SERINC3: variants seen among roughly 807,000 people sequenced by gnomAD.
SERINC3 encodes tumor differentially expressed protein 1.
Under a neutral mutation model 52.1 loss-of-function variants are expected in SERINC3, and 22 were observed. The ratio of observed to expected loss-of-function variants is 0.42; its 90% CI spans 0.30 to 0.60. The LOEUF is 0.60. Ranked by LOEUF, SERINC3 falls within the 20% of genes least tolerant of loss-of-function variation. The pLI, the probability that SERINC3 is intolerant of heterozygous loss-of-function variation, is 0.16. For synonymous variants in SERINC3, 226 were observed against 212.7 expected, an observed-to-expected ratio of 1.06 and a Z score of -0.54; for missense variants, 564 against 584.6, an observed-to-expected ratio of 0.96 and a Z score of 0.36.
At chr20:44,520,834 A>G (rs2064412056) in intron 1 of SERINC3, among the ~76,000 whole-genome samples, 1 of 152,218 alleles carries the variant, frequency 6.6e-6, no homozygotes, top group Non-Finnish European at 1.5e-5. Flanking sequence ...TTTGTGACCA[A>G]ATTAATCAAA....
intron 1 of SERINC3, among the ~76,000 whole-genome samples, chr20:44,518,208 C>T (rs964929765): frequency 5.3e-5 from 8 of 151,712 alleles, no homozygotes; most frequent in Admixed American, 3.3e-4. Flanking sequence ...CGCCTGTAAT[C>T]CCAGCACTTT....
At chr20:44,521,763 G>A (rs2064418508) in intron 1 of SERINC3, 150 bp downstream of exon 1, 6 of 722,038 alleles carry the variant, frequency 8.3e-6, no homozygotes, top group Non-Finnish European at 1.4e-5. Flanking sequence ...AGGGTATCGC[G>A]GATTTGCGTC....
At chr20:44,513,053 C>A in intron 2 of SERINC3, 59 bp from the exon 3 acceptor site, 1 of 1,178,436 alleles carries the variant, frequency 8.5e-7, no homozygotes, top group Non-Finnish European at 1.2e-6. Flanking sequence ...AGACTCTAAC[C>A]CACTGCAGGA....
chr20:44,517,842 T>A (rs1357717897), intron 1 of SERINC3, among the ~76,000 whole-genome samples: 2 of 152,250 alleles, frequency 1.3e-5, no homozygotes. Flanking sequence ...TTATATCTTT[T>A]GTATCTTTAC....
rs965622743 is a variant in SERINC3, at chr20:44,500,560, G to C, written c.1284-126C>G. ...ACTTGGCTGGCACTACCCCCCAGTA[G>C]GGTTGAAGGGGACCAGAGGAAGCTG... On this transcript the variant is annotated intron_variant, in intron 9 of 9. Coordinates refer to ENST00000342374, the MANE Select transcript of SERINC3 (RefSeq NM_006811.4). 28 of 966,888 alleles carry C rather than the reference G, an allele frequency of 2.9e-5. No individual in the cohort carries two copies. In the African/African-American group the frequency reaches 4.5e-4, roughly 15 times the overall value. The allele number at this position is 966,888 out of a possible 1,614,324, so 59.9% of individuals were successfully genotyped here.
rs909165972 is a variant in SERINC3, at chr20:44,516,007, T to A, written c.40-1967A>T. Among the ~76,000 whole-genome samples, 22 of 152,200 alleles carry A rather than the reference T, an allele frequency of 1.4e-4. 1 individual carries two copies. The highest frequency in any genetic ancestry group is 2.6e-4 in the Admixed American group (4 of 15,272). Reference sequence around the variant, plus strand: ...TATGTCAACTTTACCTCCTTTTTTTTAAAGAGTAACCTAGGGCCAGGCGTG... The same window carrying A: ...TATGTCAACTTTACCTCCTTTTTTTAAAAGAGTAACCTAGGGCCAGGCGTG... On this transcript the variant is annotated intron_variant, in intron 1 of 9. Coordinates refer to ENST00000342374, the MANE Select transcript of SERINC3 (RefSeq NM_006811.4).
At position 44,498,082 on chromosome 20, in the gene SERINC3, T is replaced by C. The variant is rs2064258005; in HGVS notation, c.*2214A>G. 1 of 152,218 alleles carries C rather than the reference T, an allele frequency of 6.6e-6. No individual in the cohort carries two copies. Among genetic ancestry groups the C allele is most frequent in the Admixed American group, 6.5e-5 (1 of 15,278 alleles). The allele number at this position is 152,218 out of a possible 1,614,324, so 9.4% of individuals were successfully genotyped here. Reference sequence around the variant, plus strand: ...TTTGATAGCCAGAAAACGGCAAAGCTGGGATGCAAACCCAAGCAGTCTGAC... The same window carrying C: ...TTTGATAGCCAGAAAACGGCAAAGCCGGGATGCAAACCCAAGCAGTCTGAC... On this transcript the variant is annotated 3_prime_UTR_variant, in exon 10 of 10. Coordinates refer to ENST00000342374, the MANE Select transcript of SERINC3 (RefSeq NM_006811.4).
At chr20:44,517,770 TTACTTACCTA>T (rs2064389537) in intron 1 of SERINC3, among the ~76,000 whole-genome samples, 1 of 152,192 alleles carries the variant, frequency 6.6e-6, no homozygotes, top group Non-Finnish European at 1.5e-5. Context: ...ACTAATAAAC[TTACTTACCTA>T]TAGTTGTCTT....
rs2064255684 is a variant in SERINC3, at chr20:44,497,658, A to ATTCC, written c.*2637_*2638insGGAA. ...ATAAGGGGCTACATTTCCCCATCTG[A>ATTCC]CCCTCAAATCCCTTGAAACGCTATA... On this transcript the variant is annotated 3_prime_UTR_variant, in exon 10 of 10. Coordinates refer to ENST00000342374, the MANE Select transcript of SERINC3 (RefSeq NM_006811.4). 6.6e-6 allele frequency: 1 copy of ATTCC among 152,242 alleles called. No homozygotes were observed. Among genetic ancestry groups the ATTCC allele is most frequent in the African/African-American group, 2.4e-5 (1 of 41,418 alleles). The allele number at this position is 152,242 out of a possible 1,614,324, so 9.4% of individuals were successfully genotyped here. A position where few individuals can be genotyped will look rare whatever the true frequency, so the allele number is the denominator to read the frequency against.
rs41308699 is a variant in SERINC3 at position 44,507,016 on chromosome 20, T to C, written c.614-20A>G. 0.019 allele frequency: 30,387 copies of C among 1,576,228 alleles called. 471 individuals are homozygous for C. The highest frequency in any genetic ancestry group is 0.05 in the South Asian group (4,208 of 84,282). On this transcript the variant is annotated intron_variant, in intron 5 of 9. Transcript: ENST00000342374. ...GTAAAGCTGGAGAAAGGGAAACCAA[T>C]ATGAATGACCACAACTATAATAAAC...
intron 8 of SERINC3, among the ~76,000 whole-genome samples, chr20:44,501,752 CT>C (rs975821294): frequency 1.3e-5 from 2 of 152,236 alleles, no homozygotes; most frequent in Admixed American, 1.3e-4. Flanking sequence ...CCTTCTGCCA[CT>C]GCACATATCA....
At chr20:44,501,518 G>C (rs2064279965) in intron 8 of SERINC3, among the ~76,000 whole-genome samples, 1 of 152,228 alleles carries the variant, frequency 6.6e-6, no homozygotes, top group African/African-American at 2.4e-5. Flanking sequence ...TAATTGCTTA[G>C]GAGTTTCATA....
chr20:44,500,027 T>G lies in SERINC3; in HGVS notation c.*269A>C. On this transcript the variant is annotated 3_prime_UTR_variant, in exon 10 of 10. Transcript: ENST00000342374. ...AGAACCTACAGGCTTTATAAAGAACTCTCTTCACAGCACAGCTGTAGTTCA... is the reference window on the plus strand; with the variant it reads ...AGAACCTACAGGCTTTATAAAGAACGCTCTTCACAGCACAGCTGTAGTTCA... 3.6e-6 allele frequency: 1 copy of G among 275,428 alleles called. No individual in the cohort carries two copies. The highest frequency in any genetic ancestry group is 6.7e-6 in the Non-Finnish European group (1 of 148,712). 17.1% of individuals were successfully genotyped at this position (275,428 alleles called of 1,614,324 possible). A position where few individuals can be genotyped will look rare whatever the true frequency, so the allele number is the denominator to read the frequency against.
At chr20:44,506,130 G>A (rs1047083057) in intron 6 of SERINC3, among the ~76,000 whole-genome samples, 30 of 150,904 alleles carry the variant, frequency 2.0e-4, no homozygotes, top group Middle Eastern at 3.4e-3. Context: ...GTGAAACCCC[G>A]TCTCAACTAA....
intron 4 of SERINC3, 151 bp downstream of exon 4, chr20:44,511,138 T>C: frequency 1.8e-6 from 1 of 569,532 alleles, no homozygotes; most frequent in South Asian, 2.5e-5. Context: ...GGTCTCAAAC[T>C]CCTGACCTCA....
chr20:44,520,717 C>T (rs1310504176), intron 1 of SERINC3, among the ~76,000 whole-genome samples: 1 of 152,088 alleles, frequency 6.6e-6, no homozygotes, highest in Non-Finnish European at 1.5e-5. Context: ...GGCAATATAC[C>T]CATGTAACAA....
At position 44,511,341 on chromosome 20, in the gene SERINC3, A is replaced by C. The variant is rs780010992; in HGVS notation, c.423T>G (p.Leu141=). The part of the protein sequence containing the change: ...NGFWFFKIAA[L]IGIMVGSFYI... Reference sequence around the variant, plus strand: ...AGAAAGAGCCAACCATGATTCCAATAAGGGCAGCAATTTTGAAGAACCAAA... The same window carrying C: ...AGAAAGAGCCAACCATGATTCCAATCAGGGCAGCAATTTTGAAGAACCAAA... The change falls in exon 4 of 10, where the codon CTT becomes CTG. Residue 141 remains leucine, a synonymous_variant. Coordinates refer to ENST00000342374, the MANE Select transcript of SERINC3 (RefSeq NM_006811.4). The C allele has an allele frequency of 4.3e-6, 7 of 1,613,218 alleles. No individual in the cohort carries two copies. Among genetic ancestry groups the C allele is most frequent in the Non-Finnish European group, 5.9e-6 (7 of 1,179,152 alleles).
chr20:44,506,208 G>A (rs2064311479), intron 6 of SERINC3, among the ~76,000 whole-genome samples: 1 of 150,680 alleles, frequency 6.6e-6, no homozygotes, highest in Non-Finnish European at 1.5e-5. Context: ...TGGAACCCAG[G>A]AGGTGGAGGT....
intron 6 of SERINC3, among the ~76,000 whole-genome samples, chr20:44,505,757 C>G (rs980593708): frequency 6.6e-6 from 1 of 151,672 alleles, no homozygotes; most frequent in African/African-American, 2.4e-5. Flanking sequence ...TGCGCCCCCA[C>G]GCCTAGCTAA....
Sources: allele counts gnomAD v4.1 joint callset (sites outside exome capture counted in the v4.1 genomes callset), GRCh38; gene constraint gnomAD v4.1.1; transcripts MANE v1.5; gene names NCBI Gene and HGNC (gene_info 2026-07-23, HGNC 2026-07-21).